The following GXYLT2 variants were observed in gnomAD, a reference collection of about 807,000 sequenced individuals.
GXYLT2 encodes the protein glucoside xylosyltransferase 2, also known as glycosyltransferase 8 domain containing 4.
A neutral mutation model predicts 45.8 loss-of-function variants in GXYLT2; 53 were observed. The observed-to-expected ratio is 1.16, with a 90% CI of 0.93 to 1.46. The LOEUF is 1.46. Among genes scored for constraint, GXYLT2 ranks in the 40% most tolerant of loss-of-function variants. The probability of loss-of-function intolerance (pLI) is 0.00; values close to 1 mark genes in which losing one functional copy is unlikely to be tolerated. For synonymous variants in GXYLT2, 219 were observed against 214.2 expected, an observed-to-expected ratio of 1.02 and a Z score of -0.19; for missense variants, 551 against 544.4, an observed-to-expected ratio of 1.01 and a Z score of -0.12.
intron 3 of GXYLT2, among the ~76,000 whole-genome samples, chr3:72,934,579 G>T (rs1186044206): frequency 6.6e-6 from 1 of 152,148 alleles, no homozygotes; most frequent in African/African-American, 2.4e-5. Flanking sequence ...CAATGAAGAT[G>T]AACCTAAAAT....
At chr3:72,924,108 T>A (rs1709877889) in intron 3 of GXYLT2, among the ~76,000 whole-genome samples, 1 of 150,818 alleles carries the variant, frequency 6.6e-6, no homozygotes, top group Non-Finnish European at 1.5e-5. Context: ...AACCAAAAAA[T>A]AGAAAGTGAG....
intron 1 of GXYLT2, among the ~76,000 whole-genome samples, chr3:72,897,531 G>A (rs1422340455): frequency 6.6e-6 from 1 of 152,168 alleles, no homozygotes; most frequent in African/African-American, 2.4e-5. Flanking sequence ...GGTGGGGTGA[G>A]GGGCAGCTCA....
At chr3:72,951,151 G>A (rs953988840) in intron 3 of GXYLT2, among the ~76,000 whole-genome samples, 1 of 152,098 alleles carries the variant, frequency 6.6e-6, no homozygotes, top group African/African-American at 2.4e-5. Context: ...AGTAATTGCT[G>A]CAGAATTAGC....
chr3:72,925,002 G>A (rs17010270), intron 3 of GXYLT2, among the ~76,000 whole-genome samples: 1,926 of 152,034 alleles, frequency 0.013, 37 homozygotes, highest in African/African-American at 0.044. Flanking sequence ...AGAAGGAATC[G>A]TCACATCTAT....
At chr3:72,966,581 C>T (rs1422896955) in intron 5 of GXYLT2, among the ~76,000 whole-genome samples, 1 of 147,976 alleles carries the variant, frequency 6.8e-6, no homozygotes, top group Non-Finnish European at 1.5e-5. Flanking sequence ...CAAGTAGCTT[C>T]AAGTGTGCCA....
At chr3:72,972,361 C>T (rs1711000721) in intron 6 of GXYLT2, among the ~76,000 whole-genome samples, 1 of 112,050 alleles carries the variant, frequency 8.9e-6, no homozygotes. Flanking sequence ...AGCATATATT[C>T]TGAGCTGGGC....
chr3:72,939,466 G>A (rs980625845), intron 3 of GXYLT2, among the ~76,000 whole-genome samples: 2 of 151,874 alleles, frequency 1.3e-5, no homozygotes, highest in Admixed American at 6.6e-5. Context: ...AAACAGAAAA[G>A]GAAGCATTAT....
chr3:72,901,468 GAAAAA>G, intron 1 of GXYLT2, among the ~76,000 whole-genome samples: 1 of 115,692 alleles, frequency 8.6e-6, no homozygotes, highest in Middle Eastern at 5.9e-3. Flanking sequence ...TGCATCAAAA[GAAAAA>G]AAAAAAGTAT....
intron 5 of GXYLT2, among the ~76,000 whole-genome samples, chr3:72,965,074 C>A (rs990575344): frequency 1.3e-5 from 2 of 152,172 alleles, no homozygotes; most frequent in African/African-American, 4.8e-5. Context: ...GGCCACTACT[C>A]CATCCCACTT....
chr3:72,954,403 G>C (rs1468817938), intron 3 of GXYLT2, among the ~76,000 whole-genome samples: 4 of 144,218 alleles, frequency 2.8e-5, no homozygotes, highest in African/African-American at 1.1e-4. Context: ...CCCAGCCTGT[G>C]TGTGTGTGTG....
chr3:72,969,571 A>C (rs541778858), intron 6 of GXYLT2, among the ~76,000 whole-genome samples: 1 of 152,194 alleles, frequency 6.6e-6, no homozygotes, highest in Non-Finnish European at 1.5e-5. Context: ...TCCTGGCCTC[A>C]AGTGATCTTT....
chr3:72,938,902 C>G (rs543466703), intron 3 of GXYLT2, among the ~76,000 whole-genome samples: 1 of 152,300 alleles, frequency 6.6e-6, no homozygotes, highest in East Asian at 1.9e-4. Flanking sequence ...CAGAAGCAAT[C>G]AGAATCTTGT....
chr3:72,934,930 A>G (rs1222364814), intron 3 of GXYLT2, among the ~76,000 whole-genome samples: 2 of 152,202 alleles, frequency 1.3e-5, no homozygotes, highest in South Asian at 4.1e-4. Context: ...TCCCCATTAG[A>G]GTGGCCCACA....
intron 1 of GXYLT2, among the ~76,000 whole-genome samples, chr3:72,902,810 T>C (rs11922817): frequency 0.31 from 46,779 of 151,768 alleles, 7,610 homozygotes; most frequent in Non-Finnish European, 0.34. Flanking sequence ...GTCAGGAGTT[T>C]GAGACCAGCC....
chr3:72,971,761 C>T (rs1439666878), intron 6 of GXYLT2, among the ~76,000 whole-genome samples: 1 of 151,946 alleles, frequency 6.6e-6, no homozygotes, highest in Non-Finnish European at 1.5e-5. Flanking sequence ...ACAGCGTGGC[C>T]AAAATGGCGA....
chr3:72,975,208 T>C lies in GXYLT2; in HGVS notation c.*49T>C, dbSNP rs1199053089. The stretch of plus-strand genomic sequence containing the variant: ...ATTAGGTGTCTTGTGACCAAGGAAA[T>C]ACTAATCTCTAAGCTGCCTGGGTCT... On this transcript the variant is annotated 3_prime_UTR_variant, in exon 7 of 7. Transcript: ENST00000389617. The C allele has an allele frequency of 1.4e-6, 2 of 1,380,822 alleles. No homozygotes were observed. Among genetic ancestry groups the C allele is most frequent in the Non-Finnish European group, 2.0e-6 (2 of 991,722 alleles). The allele number at this position is 1,380,822 out of a possible 1,614,324, so 85.5% of individuals were successfully genotyped here. A position where few individuals can be genotyped will look rare whatever the true frequency, so the allele number is the denominator to read the frequency against.
At chr3:72,913,529 T>C (rs990585163) in intron 2 of GXYLT2, among the ~76,000 whole-genome samples, 6 of 151,712 alleles carry the variant, frequency 4.0e-5, no homozygotes, top group Non-Finnish European at 8.8e-5. Context: ...ACCCCATCTC[T>C]ACTAAAAATA....
intron 1 of GXYLT2, among the ~76,000 whole-genome samples, chr3:72,906,009 T>G (rs1384944325): frequency 1.3e-5 from 2 of 152,170 alleles, no homozygotes; most frequent in African/African-American, 4.8e-5. Flanking sequence ...GCCTTTATGG[T>G]GTTAGTCCAT....
chr3:72,902,993 CA>C (rs1262276109), intron 1 of GXYLT2, among the ~76,000 whole-genome samples: 1 of 152,036 alleles, frequency 6.6e-6, no homozygotes, highest in Non-Finnish European at 1.5e-5. Context: ...GCCTTTGCCA[CA>C]GGGTGAGACT....
Sources: gnomAD v4.1 joint callset for allele counts (sites outside exome capture counted in the v4.1 genomes callset) on GRCh38, gnomAD v4.1.1 for gene constraint, MANE v1.5 for transcripts, NCBI Gene and HGNC (gene_info 2026-07-23, HGNC 2026-07-21) for gene names.